TTC32: variants seen among roughly 807,000 people sequenced by gnomAD.
TTC32 encodes the protein tetratricopeptide repeat protein 32.
In TTC32, 16 loss-of-function variants were observed where a neutral mutation model predicts 15.3. The observed-to-expected ratio is 1.05, with a 90% CI of 0.71 to 1.59. The LOEUF (loss-of-function observed/expected upper bound fraction) is 1.59, where lower values mean the gene tolerates loss of function less well. Ranked by LOEUF, TTC32 falls within the 40% of genes most tolerant of loss-of-function variation. The probability of loss-of-function intolerance (pLI) is 0.00; values close to 1 mark genes in which losing one functional copy is unlikely to be tolerated. For synonymous variants in TTC32, 89 were observed against 67.8 expected (o/e 1.31, Z -1.53); for missense variants, 188 against 181.9 (o/e 1.03, Z -0.19).
intron 2 of TTC32, among the ~76,000 whole-genome samples, chr2:19,897,492 T>C (rs1669529800): frequency 6.6e-6 from 1 of 152,246 alleles, no homozygotes; most frequent in Non-Finnish European, 1.5e-5. Flanking sequence ...ACACTACCTA[T>C]GGTCCCTTTA....
Position 19,901,690 on chromosome 2 carries a change from G to T in TTC32, c.149+16C>A, listed in dbSNP as rs752948995. The T allele has an allele frequency of 1.3e-5, 21 of 1,605,156 alleles. No homozygotes were observed. The East Asian group carries it at 4.7e-4, about 36-fold the overall frequency. On this transcript the variant is annotated intron_variant, in intron 1 of 2. Transcript: ENST00000333610. ...CCACCCGGGGTCGCCGCGGCCCCAG[G>T]TCTCGCGATAGTTACCTCCCGGGAC...
chr2:19,897,425 T>C (rs1480012748), intron 2 of TTC32, among the ~76,000 whole-genome samples: 1 of 152,228 alleles, frequency 6.6e-6, no homozygotes, highest in African/African-American at 2.4e-5. Flanking sequence ...TTTTACATAA[T>C]TGCAGTAAAA....
chr2:19,901,438 T>G, intron 1 of TTC32: 1 of 402,102 alleles, frequency 2.5e-6, no homozygotes, highest in Non-Finnish European at 4.3e-6. Context: ...CGCCCGAGGA[T>G]CGCGCAGAGG....
At chr2:19,901,389 C>T (rs376327850) in intron 1 of TTC32, 5 of 343,690 alleles carry the variant, frequency 1.5e-5, no homozygotes, top group African/African-American at 8.6e-5. Flanking sequence ...GAATGAGGAA[C>T]GTGGAAGGAG....
At chr2:19,900,615 T>TG (rs1390356289) in intron 1 of TTC32, among the ~76,000 whole-genome samples, 2 of 152,168 alleles carry the variant, frequency 1.3e-5, no homozygotes, top group South Asian at 2.1e-4. Context: ...AGGCAAGACT[T>TG]GGAGTAAAAA....
Position 19,901,779 on chromosome 2 carries a change from C to T in TTC32, c.76G>A (p.Glu26Lys), listed in dbSNP as rs996129847. Residue 26 changes from glutamate (E) to lysine (K), a missense_variant, in exon 1 of 3, where the codon GAG (glutamate) becomes AAG (lysine). By Grantham distance (56) the Glu-to-Lys change is moderately conservative. Coordinates refer to ENST00000333610, the MANE Select transcript of TTC32 (RefSeq NM_001008237.3). ...TAAGCGGAGTACAGTGCCTCGGCCT[C>T]CGCGTACTCTCCATTGTTGAAATGA... is the stretch of plus-strand genomic sequence containing the variant. Reference protein sequence around the residue: ...QAHFNNGEYAEAEALYSAYIR... With the variant: ...QAHFNNGEYAKAEALYSAYIR... 6.2e-7 allele frequency: 1 copy of T among 1,614,106 alleles called. No homozygotes were observed. The highest frequency in any genetic ancestry group is 1.7e-5 in the Admixed American group (1 of 60,006).
chr2:19,901,952 T>C lies in TTC32; in HGVS notation c.-98A>G, dbSNP rs1416723346. ...CACTTCCACACCCTGGAATCTACCT[T>C]GACAGCCAACCTTGGCGCTAGGTTT... On this transcript the variant is annotated 5_prime_UTR_variant, in exon 1 of 3. Coordinates refer to ENST00000333610, the MANE Select transcript of TTC32 (RefSeq NM_001008237.3). 2.1e-6 allele frequency: 3 copies of C among 1,457,788 alleles called. No homozygotes were observed. Among genetic ancestry groups the C allele is most frequent in the Non-Finnish European group, 2.8e-6 (3 of 1,065,406 alleles). The allele number at this position is 1,457,788 out of a possible 1,614,324, so 90.3% of individuals were successfully genotyped here.
In TTC32 at chr2:19,897,995, T is replaced by C. The variant is rs1210019511; in HGVS notation, c.190A>G (p.Arg64Gly). 1.9e-5 allele frequency: 30 copies of C among 1,606,580 alleles called. No individual in the cohort carries two copies. Among genetic ancestry groups the C allele is most frequent in the Non-Finnish European group, 2.5e-5 (29 of 1,174,630 alleles). ...PEDLATAYNNRGQIKYFRVDF... is the reference protein window; with the variant it reads ...PEDLATAYNNGGQIKYFRVDF... Reference sequence around the variant, plus strand: ...ACCCTGAAGTACTTGATTTGCCCCCTGTTGTTATATGCAGTAGCCAAATCC... The same window carrying C: ...ACCCTGAAGTACTTGATTTGCCCCCCGTTGTTATATGCAGTAGCCAAATCC... The change falls in exon 2 of 3, where the codon AGG becomes GGG. Residue 64 changes from arginine to glycine, a missense_variant. By Grantham distance (125) the Arg-to-Gly change is moderately radical. Transcript: ENST00000333610.
At position 19,896,705 on chromosome 2, in the gene TTC32, A is replaced by G. The variant is rs1299810563; in HGVS notation, c.*282T>C. 6.4e-6 allele frequency: 1 copy of G among 156,910 alleles called. No individual in the cohort carries two copies. Among genetic ancestry groups the G allele is most frequent in the Non-Finnish European group, 1.4e-5 (1 of 71,136 alleles). 9.7% of individuals were successfully genotyped at this position (156,910 alleles called of 1,614,324 possible). On this transcript the variant is annotated 3_prime_UTR_variant, in exon 3 of 3. Transcript: ENST00000333610. The stretch of plus-strand genomic sequence containing the variant: ...ACATTTTTTAAATAAAAAGTTGAGA[A>G]TAAAAAAATCACAAAAATAGTTTTG...
chr2:19,896,934 A>C lies in TTC32; in HGVS notation c.*53T>G. 1 of 1,439,672 alleles carries C rather than the reference A, an allele frequency of 6.9e-7. No individual in the cohort carries two copies. The highest frequency in any genetic ancestry group is 9.4e-7 in the Non-Finnish European group (1 of 1,066,240). 89.2% of individuals were successfully genotyped at this position (1,439,672 alleles called of 1,614,324 possible). On this transcript the variant is annotated 3_prime_UTR_variant, in exon 3 of 3. Transcript: ENST00000333610. ...TAGCTCAATATCTAAATTACTGATA[A>C]CTAGATGCAGATGTAAGGATCATGA...
chr2:19,901,061 G>A (rs576816422), intron 1 of TTC32: 172 of 471,208 alleles, frequency 3.7e-4, no homozygotes, highest in African/African-American at 3.1e-3. Flanking sequence ...TTCCAACACT[G>A]ACGACTTGAT....
Position 19,897,118 on chromosome 2 carries a change from C to A in TTC32, c.325G>T (p.Asp109Tyr). 6.3e-7 allele frequency: 1 copy of A among 1,594,750 alleles called. No homozygotes were observed. Among genetic ancestry groups the A allele is most frequent in the South Asian group, 1.2e-5 (1 of 86,408 alleles). Reference protein sequence around the residue: ...GLILYRLGYFDDALEDFKKVL... With the variant: ...GLILYRLGYFYDALEDFKKVL... ...TTCTTGAAATCTTCCAAAGCATCAT[C>A]AAAATATCCTGTACCAGAACCCAAA... Residue 109 changes from aspartate (D) to tyrosine (Y), a missense_variant, in exon 3 of 3, where the codon GAT becomes TAT. Coordinates refer to ENST00000333610, the MANE Select transcript of TTC32 (RefSeq NM_001008237.3).
chr2:19,898,820 T>C (rs1669552608), intron 1 of TTC32, among the ~76,000 whole-genome samples: 1 of 152,018 alleles, frequency 6.6e-6, no homozygotes, highest in Non-Finnish European at 1.5e-5. Flanking sequence ...TCACAGCCCC[T>C]GGCTGCCTTG....
At chr2:19,901,345 G>A (rs1669599455) in intron 1 of TTC32, 1 of 314,650 alleles carries the variant, frequency 3.2e-6, no homozygotes, top group Non-Finnish European at 6.2e-6. Flanking sequence ...AATCACGAGT[G>A]GAAAATTCCT....
rs143536578 is a variant in TTC32 at position 19,901,186 on chromosome 2, T to C, written c.149+520A>G. On this transcript the variant is annotated intron_variant, in intron 1 of 2. Transcript: ENST00000333610. Reference sequence around the variant, plus strand: ...GTGATAAACACCTAGACGTTCGTTATGCTCTCTTCCACATATTTAAACGTT... The same window carrying C: ...GTGATAAACACCTAGACGTTCGTTACGCTCTCTTCCACATATTTAAACGTT... 37 of 419,284 alleles carry C rather than the reference T, an allele frequency of 8.8e-5. No individual in the cohort carries two copies. The East Asian group carries it at 2.0e-3, about 23-fold the overall frequency. The allele number at this position is 419,284 out of a possible 1,614,324, so 26.0% of individuals were successfully genotyped here. A position where few individuals can be genotyped will look rare whatever the true frequency, so the allele number is the denominator to read the frequency against.
At position 19,901,692 on chromosome 2, in the gene TTC32, C is replaced by G; in HGVS notation, c.149+14G>C. On this transcript the variant is annotated intron_variant, in intron 1 of 2. Transcript: ENST00000333610. ...ACCCGGGGTCGCCGCGGCCCCAGGT[C>G]TCGCGATAGTTACCTCCCGGGACTC... The G allele has an allele frequency of 6.2e-7, 1 of 1,605,570 alleles. No homozygotes were observed. The highest frequency in any genetic ancestry group is 8.5e-7 in the Non-Finnish European group (1 of 1,173,872).
chr2:19,901,611 C>T lies in TTC32; in HGVS notation c.149+95G>A, dbSNP rs990503139. 2.0e-6 allele frequency: 3 copies of T among 1,491,270 alleles called. No individual in the cohort carries two copies. The African/African-American group carries it at 4.2e-5, about 21-fold the overall frequency. The allele number at this position is 1,491,270 out of a possible 1,614,324, so 92.4% of individuals were successfully genotyped here. ...CCTAGTGCTGGGTTATGACAAGCGC[C>T]GACCGTGAGCTCCAGAGGCAAAGAT... On this transcript the variant is annotated intron_variant, in intron 1 of 2. Transcript: ENST00000333610.
intron 1 of TTC32, 97 bp from the exon 2 acceptor site, chr2:19,898,132 A>G (rs1669541783): frequency 8.1e-6 from 9 of 1,114,854 alleles, no homozygotes; most frequent in Admixed American, 5.2e-5. Flanking sequence ...TTCACAGCCT[A>G]TAACATGCAG....
Position 19,901,697 on chromosome 2 carries a change from G to C in TTC32, c.149+9C>G. 2.5e-6 allele frequency: 4 copies of C among 1,607,140 alleles called. No homozygotes were observed. The highest frequency in any genetic ancestry group is 3.4e-6 in the Non-Finnish European group (4 of 1,174,842). On this transcript the variant is annotated intron_variant, in intron 1 of 2. Coordinates refer to ENST00000333610, the MANE Select transcript of TTC32 (RefSeq NM_001008237.3). ...GGGTCGCCGCGGCCCCAGGTCTCGCGATAGTTACCTCCCGGGACTCTCGTC... is the reference window on the plus strand; with the variant it reads ...GGGTCGCCGCGGCCCCAGGTCTCGCCATAGTTACCTCCCGGGACTCTCGTC...
Sources: gnomAD v4.1 joint callset for allele counts (sites outside exome capture counted in the v4.1 genomes callset) on GRCh38, gnomAD v4.1.1 for gene constraint, MANE v1.5 for transcripts, NCBI Gene and HGNC (gene_info 2026-07-23, HGNC 2026-07-21) for gene names.